The following GSN variants were observed in gnomAD, a reference collection of about 807,000 sequenced individuals.
GSN encodes actin-depolymerizing factor.
A neutral mutation model predicts 85.7 loss-of-function variants in GSN; 56 were observed. The ratio of observed to expected loss-of-function variants is 0.65; its 90% confidence interval spans 0.53 to 0.82. GSN has a LOEUF of 0.82. Ranked by LOEUF, GSN falls within the 40% of genes least tolerant of loss-of-function variation. The pLI is 0.00. For missense variants in GSN, 857 were observed against 979.8 expected (o/e 0.87, Z 1.67); for synonymous variants, 373 against 399.1 (o/e 0.93, Z 0.78).
rs926541506 is a variant in GSN, at chr9:121,301,351, G to A, written c.-9-612G>A. 3.3e-5 allele frequency among the ~76,000 whole-genome samples: 5 copies of A among 152,206 alleles called. No individual in the cohort carries two copies. The South Asian group carries it at 1.0e-3, about 32-fold the overall frequency. On this transcript the variant is annotated intron_variant, in intron 2 of 17. Coordinates refer to ENST00000432226, the MANE Select transcript of GSN (RefSeq NM_198252.3). ...GCAATAAGAAAAGAAGGGAGGCTGGGCGCGGTGGCTCACGCCTGTAATCCC... is the reference window on the plus strand; with the variant it reads ...GCAATAAGAAAAGAAGGGAGGCTGGACGCGGTGGCTCACGCCTGTAATCCC...
upstream of GSN, among the ~76,000 whole-genome samples, chr9:121,205,660 C>T (rs1406457964): frequency 6.6e-6 from 1 of 152,118 alleles, no homozygotes; most frequent in Non-Finnish European, 1.5e-5. Flanking sequence ...ACAAGCTAAC[C>T]ATCTGCTGGA....
intron 2 of GSN, among the ~76,000 whole-genome samples, chr9:121,300,737 C>T (rs12343500): frequency 0.058 from 8,790 of 152,238 alleles, 505 homozygotes; most frequent in Admixed American, 0.14. Context: ...GGTGCATCCT[C>T]TTCTCCTCTT....
At chr9:121,214,230 CTTCT>C (rs1353866061) in intron 4 of GSN, among the ~76,000 whole-genome samples, 4 of 150,168 alleles carry the variant, frequency 2.7e-5, no homozygotes, top group Non-Finnish European at 4.4e-5. Context: ...TTCTTTCTTC[CTTCT>C]TTCTCCTTCC....
intron 5 of GSN, among the ~76,000 whole-genome samples, chr9:121,247,173 T>G (rs570281276): frequency 2.0e-5 from 3 of 152,186 alleles, no homozygotes; most frequent in East Asian, 3.9e-4. Flanking sequence ...TGCCCCAGGG[T>G]GCTCACAGGG....
intron 5 of GSN, among the ~76,000 whole-genome samples, chr9:121,246,154 T>C (rs2054694801): frequency 6.6e-6 from 1 of 152,242 alleles, no homozygotes; most frequent in South Asian, 2.1e-4. Context: ...CGTAGATGAT[T>C]CAGGATGAGT....
upstream of GSN, among the ~76,000 whole-genome samples, chr9:121,266,728 A>G (rs1281713711): frequency 6.6e-6 from 1 of 152,204 alleles, no homozygotes; most frequent in South Asian, 2.1e-4. Flanking sequence ...TACACATGGT[A>G]ATGCCTCCCT....
At chr9:121,317,006 G>T (rs908279026) in intron 7 of GSN, 80 bp from the exon 8 acceptor site, 7 of 1,584,226 alleles carry the variant, frequency 4.4e-6, no homozygotes, top group Middle Eastern at 1.9e-4. Flanking sequence ...GGGACAGGGG[G>T]TGGGGCAAGA....
At chr9:121,312,540 T>G (rs772229697) in intron 6 of GSN, 52 bp downstream of exon 6, 1 of 1,506,632 alleles carries the variant, frequency 6.6e-7, no homozygotes, top group Non-Finnish European at 9.0e-7. Context: ...TGCTCATGAC[T>G]TTCTTCTGTT....
intron 4 of GSN, among the ~76,000 whole-genome samples, chr9:121,226,856 A>G (rs1006116040): frequency 1.3e-5 from 2 of 152,186 alleles, no homozygotes; most frequent in African/African-American, 4.8e-5. Flanking sequence ...TCCATTCTCT[A>G]AAGAGGGAGA....
chr9:121,300,042 C>T (rs762383437), intron 2 of GSN: 9 of 1,567,838 alleles, frequency 5.7e-6, no homozygotes, highest in Non-Finnish European at 7.8e-6. Context: ...CCCGGAGTAA[C>T]TCTCTATTGT....
intron 2 of GSN, among the ~76,000 whole-genome samples, chr9:121,297,088 T>C (rs552461902): frequency 1.2e-3 from 182 of 152,350 alleles, no homozygotes; most frequent in Non-Finnish European, 2.1e-3. Context: ...GTCTGGGGGC[T>C]GGGCAGCTAA....
At chr9:121,309,988 G>A (rs1393584253) in intron 4 of GSN, 1 of 151,826 alleles carries the variant, frequency 6.6e-6, no homozygotes, top group Non-Finnish European at 1.4e-5. Context: ...GAGAGCGGAA[G>A]GAAGGAGAGA....
At chr9:121,279,147 A>G (rs980545586) in intron 1 of GSN, among the ~76,000 whole-genome samples, 1 of 152,164 alleles carries the variant, frequency 6.6e-6, no homozygotes, top group African/African-American at 2.4e-5. Flanking sequence ...TACGGAGACT[A>G]CACGGAGGAC....
chr9:121,253,249 T>G (rs574645470), intron 6 of GSN, among the ~76,000 whole-genome samples: 1 of 152,366 alleles, frequency 6.6e-6, no homozygotes, highest in African/African-American at 2.4e-5. Context: ...TTCCAGTCCG[T>G]TGCATAACCC....
intron 4 of GSN, among the ~76,000 whole-genome samples, chr9:121,307,999 C>T (rs1042780782): frequency 1.1e-4 from 17 of 152,344 alleles, no homozygotes; most frequent in African/African-American, 3.8e-4. Context: ...GCTGGTCAGT[C>T]CCTCACCCCA....
At chr9:121,202,068 C>A in the GSN span, among the ~76,000 whole-genome samples, 1 of 152,178 alleles carries the variant, frequency 6.6e-6, no homozygotes, top group Non-Finnish European at 1.5e-5. Flanking sequence ...GCGCTCGCGC[C>A]CGGAGGGAAG....
chr9:121,246,092 A>C (rs935149084), intron 5 of GSN, among the ~76,000 whole-genome samples: 1 of 152,232 alleles, frequency 6.6e-6, no homozygotes, highest in African/African-American at 2.4e-5. Context: ...TAATATATCT[A>C]AGATTTGCCT....
At chr9:121,303,426 A>G (rs1052209391) in intron 4 of GSN, among the ~76,000 whole-genome samples, 1 of 152,142 alleles carries the variant, frequency 6.6e-6, no homozygotes, top group Non-Finnish European at 1.5e-5. Flanking sequence ...GGTACCCCTT[A>G]ATTCTTAAGG....
chr9:121,326,453 A>G lies in GSN; in HGVS notation c.1417-59A>G, dbSNP rs2289069. ...TCTGGAGGGATGGGCCCAGTGCGAC[A>G]TAGAAGGACTGAAGCCTGCCCCCAA... On this transcript the variant is annotated intron_variant, in intron 12 of 17. Coordinates refer to ENST00000432226, the MANE Select transcript of GSN (RefSeq NM_198252.3). 0.033 allele frequency: 46,448 copies of G among 1,415,934 alleles called. 3,330 individuals carry two copies. The highest frequency in any genetic ancestry group is 0.24 in the Admixed American group (14,349 of 59,260). 87.7% of individuals were successfully genotyped at this position (1,415,934 alleles called of 1,614,324 possible). A position where few individuals can be genotyped will look rare whatever the true frequency, so the allele number is the denominator to read the frequency against.
Sources: gnomAD v4.1 joint callset for allele counts (sites outside exome capture counted in the v4.1 genomes callset) on GRCh38, gnomAD v4.1.1 for gene constraint, MANE v1.5 for transcripts, NCBI Gene and HGNC (gene_info 2026-07-23, HGNC 2026-07-21) for gene names.